Variants in LIN28B observed in about 807,000 individuals in gnomAD.
LIN28B encodes lin-28 RNA binding posttranscriptional regulator B.
Under a neutral mutation model 21.9 loss-of-function variants are expected in LIN28B, and 5 were observed. The ratio of observed to expected loss-of-function variants is 0.23; its 90% CI spans 0.12 to 0.48. The LOEUF (loss-of-function observed/expected upper bound fraction) is 0.48. Among genes scored for constraint, LIN28B ranks in the 20% least tolerant of loss-of-function variants. The probability of loss-of-function intolerance (pLI) is 0.98; values close to 1 mark genes in which losing one functional copy is unlikely to be tolerated. For synonymous variants in LIN28B, 109 were observed against 111.3 expected, an observed-to-expected ratio of 0.98 and a Z score of 0.13; for missense variants, 245 against 310.5, an observed-to-expected ratio of 0.79 and a Z score of 1.58.
In LIN28B at chr6:105,081,220, C is replaced by T. The variant is rs1384920628; in HGVS notation, c.*2437C>T. On this transcript the variant is annotated 3_prime_UTR_variant, in exon 4 of 4. Coordinates refer to ENST00000345080, the MANE Select transcript of LIN28B (RefSeq NM_001004317.4). ...CTCAAAACAAACCAAATAACTTATA[C>T]CTTTATATAAGTATTATGTACTGAT... The T allele has an allele frequency of 6.6e-6, 1 of 152,548 alleles. No individual in the cohort carries two copies. The highest frequency in any genetic ancestry group is 1.5e-5 in the Non-Finnish European group (1 of 68,010). 9.4% of individuals were successfully genotyped at this position (152,548 alleles called of 1,614,324 possible).
chr6:104,972,520 T>C (rs1167419166), intron 2 of LIN28B, among the ~76,000 whole-genome samples: 1 of 152,212 alleles, frequency 6.6e-6, no homozygotes, highest in African/African-American at 2.4e-5. Context: ...ATTCAGGTTT[T>C]AAGCATCTTC....
chr6:105,000,351 A>G (rs1363186289), intron 2 of LIN28B, among the ~76,000 whole-genome samples: 2 of 152,160 alleles, frequency 1.3e-5, no homozygotes, highest in African/African-American at 4.8e-5. Flanking sequence ...TAAAATGGTC[A>G]CAGTAGTGTG....
intron 2 of LIN28B, among the ~76,000 whole-genome samples, chr6:104,967,873 A>T (rs1769896511): frequency 6.6e-6 from 1 of 151,906 alleles, no homozygotes; most frequent in Non-Finnish European, 1.5e-5. Flanking sequence ...AATTTTTAAA[A>T]TTTTTTGTAG....
intron 2 of LIN28B, among the ~76,000 whole-genome samples, chr6:104,982,572 A>G (rs1020310450): frequency 6.6e-6 from 1 of 152,142 alleles, no homozygotes; most frequent in Non-Finnish European, 1.5e-5. Flanking sequence ...GTCAATCTCC[A>G]TGATAGGAGG....
chr6:105,055,145 ATTG>A (rs1771997595), intron 3 of LIN28B, among the ~76,000 whole-genome samples: 1 of 151,954 alleles, frequency 6.6e-6, no homozygotes, highest in Non-Finnish European at 1.5e-5. Flanking sequence ...ATTTGTATTT[ATTG>A]TGTTTCGGTT....
At chr6:105,058,578 CTT>C (rs1014766439) in intron 3 of LIN28B, among the ~76,000 whole-genome samples, 6 of 152,156 alleles carry the variant, frequency 3.9e-5, no homozygotes, top group Non-Finnish European at 8.8e-5. Flanking sequence ...TCTGCTTTCA[CTT>C]TGTTTTTGGC....
At chr6:104,997,296 GAAA>G (rs1770629094) in intron 2 of LIN28B, among the ~76,000 whole-genome samples, 1 of 123,458 alleles carries the variant, frequency 8.1e-6, no homozygotes, top group South Asian at 2.5e-4. Context: ...AAAAAAAAAA[GAAA>G]AGAAAAAGAA....
intron 2 of LIN28B, among the ~76,000 whole-genome samples, chr6:105,021,622 C>T (rs1471844672): frequency 6.6e-6 from 1 of 152,090 alleles, no homozygotes; most frequent in East Asian, 1.9e-4. Flanking sequence ...TTTCATACAC[C>T]TGTTGGCCAT....
intron 2 of LIN28B, among the ~76,000 whole-genome samples, chr6:104,972,032 G>T (rs535208459): frequency 6.6e-6 from 1 of 151,974 alleles, no homozygotes; most frequent in Non-Finnish European, 1.5e-5. Flanking sequence ...GTGCAGTGGC[G>T]CAGTCTCGGC....
At chr6:105,023,327 A>C (rs1373800636) in intron 2 of LIN28B, among the ~76,000 whole-genome samples, 1 of 31,014 alleles carries the variant, frequency 3.2e-5, no homozygotes, top group African/African-American at 1.2e-4. Flanking sequence ...TATATAATAT[A>C]TATAATTATA....
intron 2 of LIN28B, among the ~76,000 whole-genome samples, chr6:104,948,702 C>T (rs1778186063): frequency 6.6e-6 from 1 of 152,122 alleles, no homozygotes; most frequent in Non-Finnish European, 1.5e-5. Context: ...ATAATATCTA[C>T]ATTTAAACAA....
intron 3 of LIN28B, among the ~76,000 whole-genome samples, chr6:105,049,929 C>A: frequency 6.6e-6 from 1 of 152,140 alleles, no homozygotes; most frequent in Non-Finnish European, 1.5e-5. Context: ...GAATACAGCA[C>A]ACTGATGGGT....
chr6:104,951,296 A>T (rs1778217934), intron 3 of LIN28B, among the ~76,000 whole-genome samples: 1 of 152,144 alleles, frequency 6.6e-6, no homozygotes, highest in Non-Finnish European at 1.5e-5. Context: ...TTATTCTGTT[A>T]TTAAACTTTT....
In LIN28B at chr6:105,083,010, T is replaced by C. The variant is rs1343092613; in HGVS notation, c.*4227T>C. The stretch of plus-strand genomic sequence containing the variant: ...AACCCTGATTTTTATATGTCTTTAA[T>C]AATGGTGTTTTATCTAGTGTTTTTA... On this transcript the variant is annotated 3_prime_UTR_variant, in exon 4 of 4. Transcript: ENST00000345080. 7.2e-5 allele frequency: 11 copies of C among 152,770 alleles called. No individual in the cohort carries two copies. The East Asian group carries it at 1.3e-3, about 19-fold the overall frequency. 9.5% of individuals were successfully genotyped at this position (152,770 alleles called of 1,614,324 possible). A position where few individuals can be genotyped will look rare whatever the true frequency, so the allele number is the denominator to read the frequency against.
rs1296091240 is a variant in LIN28B at position 104,957,205 on chromosome 6, A to T, written c.-46A>T. 1 of 1,613,992 alleles carries T rather than the reference A, an allele frequency of 6.2e-7. No individual in the cohort carries two copies. Among genetic ancestry groups the T allele is most frequent in the Admixed American group, 1.7e-5 (1 of 60,018 alleles). On this transcript the variant is annotated 5_prime_UTR_variant, in exon 1 of 4. Coordinates refer to ENST00000345080, the MANE Select transcript of LIN28B (RefSeq NM_001004317.4). ...CAGAAGATCACTCCGTTCCAAAGGG[A>T]AAGTTTTCATCTCACGAGTTTGGAG...
chr6:105,070,721 T>C (rs1325998298), intron 3 of LIN28B, among the ~76,000 whole-genome samples: 2 of 151,356 alleles, frequency 1.3e-5, no homozygotes, highest in Non-Finnish European at 2.9e-5. Context: ...CGGGCTGCAG[T>C]GAGCCCTTAT....
intron 2 of LIN28B, among the ~76,000 whole-genome samples, chr6:105,002,024 C>T (rs1770729849): frequency 6.6e-6 from 1 of 152,150 alleles, no homozygotes; most frequent in Non-Finnish European, 1.5e-5. Flanking sequence ...GGGCCATTGA[C>T]TTACATGTAT....
intron 3 of LIN28B, among the ~76,000 whole-genome samples, chr6:105,031,134 T>G (rs1771414304): frequency 6.7e-6 from 1 of 149,984 alleles, no homozygotes; most frequent in Non-Finnish European, 1.5e-5. Context: ...CCATTCACCA[T>G]CAAACTTTTA....
chr6:105,050,059 T>G (rs221609), intron 3 of LIN28B, among the ~76,000 whole-genome samples: 118,259 of 151,974 alleles, frequency 0.78, 46,893 homozygotes, highest in Non-Finnish European at 0.86. Context: ...GTTAGCTGGT[T>G]ATTTTGCTCG....
Sources: gnomAD v4.1 joint callset for allele counts (sites outside exome capture counted in the v4.1 genomes callset) on GRCh38, gnomAD v4.1.1 for gene constraint, MANE v1.5 for transcripts, NCBI Gene and HGNC (gene_info 2026-07-23, HGNC 2026-07-21) for gene names.